Variants in GMPS observed in about 807,000 individuals in gnomAD.
GMPS encodes guanosine monophosphate synthase, also known as GMP synthase [glutamine-hydrolyzing].
In GMPS, 15 loss-of-function variants were observed where a neutral mutation model predicts 77.9. The ratio of observed to expected loss-of-function variants is 0.19; its 90% CI spans 0.13 to 0.30. GMPS has a LOEUF of 0.30. Among genes scored for constraint, GMPS ranks in the 10% least tolerant of loss-of-function variants. The pLI is 1.00. For missense variants in GMPS, 590 were observed against 838.8 expected (o/e 0.70, Z 3.66); for synonymous variants, 224 against 275.9 (o/e 0.81, Z 1.86).
chr3:155,924,926 C>T (rs1397652796), intron 11 of GMPS, among the ~76,000 whole-genome samples: 1 of 152,140 alleles, frequency 6.6e-6, no homozygotes, highest in African/African-American at 2.4e-5. Context: ...ATATTAATTT[C>T]AGACAAAACT....
chr3:155,936,572 G>A, intron 15 of GMPS, 62 bp downstream of exon 15: 1 of 933,672 alleles, frequency 1.1e-6, no homozygotes. Context: ...ATAATATGGT[G>A]AATGGAATAG....
Position 155,943,284 on chromosome 3 carries a change from T to G in GMPS, c.*5592T>G, listed in dbSNP as rs760948976. 1.1e-5 allele frequency: 2 copies of G among 180,730 alleles called. No homozygotes were observed. Among genetic ancestry groups the G allele is most frequent in the Admixed American group, 1.3e-4 (2 of 15,902 alleles). 11.2% of individuals were successfully genotyped at this position (180,730 alleles called of 1,614,324 possible). A position where few individuals can be genotyped will look rare whatever the true frequency, so the allele number is the denominator to read the frequency against. ...TTTGAACCCTGTGGTGTCTTTTAACTTTGTTAAGGGCCCTTGGTTAGCAAA... is the reference window on the plus strand; with the variant it reads ...TTTGAACCCTGTGGTGTCTTTTAACGTTGTTAAGGGCCCTTGGTTAGCAAA... On this transcript the variant is annotated 3_prime_UTR_variant, in exon 16 of 16. Coordinates refer to ENST00000496455, the MANE Select transcript of GMPS (RefSeq NM_003875.3).
rs367619762 is a variant in GMPS, at chr3:155,910,643, T to C, written c.527-49T>C. ...AAATTAATTGTGGTTATTGCTTGAG[T>C]CTTTTCAGCATGAAAAAATTTTAAT... On this transcript the variant is annotated intron_variant, in intron 5 of 15. Coordinates refer to ENST00000496455, the MANE Select transcript of GMPS (RefSeq NM_003875.3). 1.3e-4 allele frequency: 115 copies of C among 885,788 alleles called. No homozygotes were observed. In the South Asian group the frequency reaches 1.5e-3, roughly 12 times the overall value. 54.9% of individuals were successfully genotyped at this position (885,788 alleles called of 1,614,324 possible).
intron 1 of GMPS, among the ~76,000 whole-genome samples, chr3:155,876,044 C>T (rs181983909): frequency 6.6e-6 from 1 of 152,290 alleles, no homozygotes; most frequent in East Asian, 1.9e-4. Context: ...TGTAGATTTA[C>T]ACAATACAAT....
At chr3:155,872,474 G>A (rs1003273989) in intron 1 of GMPS, among the ~76,000 whole-genome samples, 1 of 152,190 alleles carries the variant, frequency 6.6e-6, no homozygotes, top group South Asian at 2.1e-4. Flanking sequence ...TCATCTTTAT[G>A]CTGATAGATG....
At chr3:155,900,078 A>G (rs1358127479) in intron 3 of GMPS, among the ~76,000 whole-genome samples, 3 of 152,160 alleles carry the variant, frequency 2.0e-5, no homozygotes, top group African/African-American at 4.8e-5. Context: ...ATGAACATCC[A>G]TGTACAGGTT....
chr3:155,875,071 A>G (rs922847882), intron 1 of GMPS, among the ~76,000 whole-genome samples: 9 of 151,448 alleles, frequency 5.9e-5, no homozygotes, highest in Non-Finnish European at 1.3e-4. Flanking sequence ...GGCGTGTGCC[A>G]CCACATACGG....
At chr3:155,872,762 T>C (rs1753935348) in intron 1 of GMPS, among the ~76,000 whole-genome samples, 1 of 152,206 alleles carries the variant, frequency 6.6e-6, no homozygotes, top group Non-Finnish European at 1.5e-5. Context: ...AATTAAACAT[T>C]TTAAAAACTA....
At chr3:155,900,564 T>C (rs1754711959) in intron 3 of GMPS, among the ~76,000 whole-genome samples, 2 of 152,146 alleles carry the variant, frequency 1.3e-5, no homozygotes, top group Admixed American at 1.3e-4. Context: ...TATAGTGAAA[T>C]ACGTCTGAAA....
At chr3:155,920,402 C>T (rs1755288632) in intron 10 of GMPS, among the ~76,000 whole-genome samples, 1 of 151,824 alleles carries the variant, frequency 6.6e-6, no homozygotes, top group African/African-American at 2.4e-5. Context: ...GCCTGTAACC[C>T]TGAGTCTACT....
chr3:155,943,156 G>A lies in GMPS; in HGVS notation c.*5464G>A, dbSNP rs1042242426. 1.1e-5 allele frequency: 2 copies of A among 176,664 alleles called. No homozygotes were observed. Among genetic ancestry groups the A allele is most frequent in the Admixed American group, 6.3e-5 (1 of 15,796 alleles). The allele number at this position is 176,664 out of a possible 1,614,324, so 10.9% of individuals were successfully genotyped here. On this transcript the variant is annotated 3_prime_UTR_variant, in exon 16 of 16. Coordinates refer to ENST00000496455, the MANE Select transcript of GMPS (RefSeq NM_003875.3). ...TGAGGTGTGAGAATCACTTAAACCC[G>A]GGAGATGGAGGTTGCAGTGAGCAGA... is the stretch of plus-strand genomic sequence containing the variant.
At chr3:155,886,228 C>T (rs1754331591) in intron 1 of GMPS, among the ~76,000 whole-genome samples, 1 of 151,872 alleles carries the variant, frequency 6.6e-6, no homozygotes, top group African/African-American at 2.4e-5. Context: ...GGATCTTACT[C>T]AACTGTTCAC....
Position 155,903,883 on chromosome 3 carries a change from A to G in GMPS, c.345A>G (p.Gly115=). The part of the protein sequence containing the change: ...YGMQMMNKVF[G]GTVHKKSVRE... ...AACAGATGATGAATAAGGTATTTGGAGGTACTGTGCACAAAAAAAGTGTCA... is the reference window on the plus strand; with the variant it reads ...AACAGATGATGAATAAGGTATTTGGGGGTACTGTGCACAAAAAAAGTGTCA... The change falls in exon 4 of 16, where the codon GGA becomes GGG. Residue 115 remains glycine (G), a synonymous_variant. Coordinates refer to ENST00000496455, the MANE Select transcript of GMPS (RefSeq NM_003875.3). 1 of 1,527,236 alleles carries G rather than the reference A, an allele frequency of 6.5e-7. No homozygotes were observed. The highest frequency in any genetic ancestry group is 2.3e-5 in the East Asian group (1 of 43,452). The allele number at this position is 1,527,236 out of a possible 1,614,324, so 94.6% of individuals were successfully genotyped here.
In GMPS at chr3:155,919,342, A is replaced by C. The variant is rs1755262421; in HGVS notation, c.1318+4A>C. The C allele has an allele frequency of 6.8e-7, 1 of 1,468,650 alleles. No individual in the cohort carries two copies. Among genetic ancestry groups the C allele is most frequent in the South Asian group, 1.2e-5 (1 of 83,948 alleles). The allele number at this position is 1,468,650 out of a possible 1,614,324, so 91.0% of individuals were successfully genotyped here. On this transcript the variant is annotated splice_donor_region_variant and intron_variant, in intron 10 of 15. Coordinates refer to ENST00000496455, the MANE Select transcript of GMPS (RefSeq NM_003875.3). ...GTTTCCAGGCATCCATTTCCAGGTA[A>C]AAATTAGAACTGAATTTTGTTTGAT...
chr3:155,870,382 T>TC (rs5853732), upstream of GMPS, among the ~76,000 whole-genome samples: 128,754 of 152,146 alleles, frequency 0.85, 54,847 homozygotes, highest in East Asian at 0.93. Context: ...AGGCCCCTCC[T>TC]CCGGGGCGGG....
intron 1 of GMPS, among the ~76,000 whole-genome samples, chr3:155,891,167 G>C (rs1340388975): frequency 1.3e-5 from 2 of 152,146 alleles, no homozygotes; most frequent in African/African-American, 4.8e-5. Context: ...CCATGTTGTT[G>C]GGGACTGGTA....
At chr3:155,889,761 A>AT (rs550929253) in intron 1 of GMPS, among the ~76,000 whole-genome samples, 40 of 152,018 alleles carry the variant, frequency 2.6e-4, no homozygotes, top group African/African-American at 8.4e-4. Context: ...ATATGGTTTA[A>AT]TTTTTTCCTT....
chr3:155,943,917 G>A lies in GMPS; in HGVS notation c.*6225G>A, dbSNP rs1755951926. ...GGTTAACATTTTGCTCAATGTTAAC[G>A]GGGGACATAATGGACATAAAACATT... On this transcript the variant is annotated 3_prime_UTR_variant, in exon 16 of 16. Coordinates refer to ENST00000496455, the MANE Select transcript of GMPS (RefSeq NM_003875.3). 1 of 152,222 alleles carries A rather than the reference G, an allele frequency of 6.6e-6. No individual in the cohort carries two copies. The allele number at this position is 152,222 out of a possible 1,614,324, so 9.4% of individuals were successfully genotyped here.
intron 1 of GMPS, among the ~76,000 whole-genome samples, chr3:155,884,533 G>C (rs920493155): frequency 1.1e-4 from 16 of 152,176 alleles, no homozygotes; most frequent in African/African-American, 3.9e-4. Flanking sequence ...TAACTTTCTG[G>C]AAAGACAAGT....
Sources: gnomAD v4.1 joint callset for allele counts (sites outside exome capture counted in the v4.1 genomes callset) on GRCh38, gnomAD v4.1.1 for gene constraint, MANE v1.5 for transcripts, NCBI Gene and HGNC (gene_info 2026-07-23, HGNC 2026-07-21) for gene names.